Variants in SPNS2 observed in about 807,000 individuals in gnomAD.
SPNS2 encodes the protein SPNS lysolipid transporter 2, sphingosine-1-phosphate, also known as sphingosine-1-phosphate transporter SPNS2.
A neutral mutation model predicts 57.6 loss-of-function variants in SPNS2; 37 were observed. That is an observed-to-expected ratio of 0.64 (90% CI 0.49 to 0.85). The LOEUF is 0.85. Ranked by LOEUF, SPNS2 falls within the 40% of genes least tolerant of loss-of-function variation. SPNS2 has a pLI of 0.00. For missense variants in SPNS2, 831 were observed against 779.1 expected, an observed-to-expected ratio of 1.07 and a Z score of -0.79; for synonymous variants, 440 against 346.9, an observed-to-expected ratio of 1.27 and a Z score of -2.98.
In SPNS2 at chr17:4,537,984, G is replaced by T. The variant is rs1340566798; in HGVS notation, c.*536G>T. ...TATGCAGGGACCACTGCTCAGCTGG[G>T]CCTCGGACCTTGGGGATATTGGACG... On this transcript the variant is annotated 3_prime_UTR_variant, in exon 13 of 13. Transcript: ENST00000329078. 1 of 355,798 alleles carries T rather than the reference G, an allele frequency of 2.8e-6. No homozygotes were observed. The highest frequency in any genetic ancestry group is 3.7e-5 in the Admixed American group (1 of 26,728). 22.0% of individuals were successfully genotyped at this position (355,798 alleles called of 1,614,324 possible).
rs565386807 is a variant in SPNS2, at chr17:4,512,041, C to T, written c.371-1206C>T. Among the ~76,000 whole-genome samples, 64 of 152,300 alleles carry T rather than the reference C, an allele frequency of 4.2e-4. No homozygotes were observed. The highest frequency in any genetic ancestry group is 1.4e-3 in the African/African-American group (59 of 41,568). ...GGATCCTAGTACCAGCCTCCTAGGG[C>T]TGTGTGGGGATTATACAGGCATTTA... On this transcript the variant is annotated intron_variant, in intron 1 of 12. Coordinates refer to ENST00000329078, the MANE Select transcript of SPNS2 (RefSeq NM_001124758.3). This position sits in a 1 kb window ranked among gnomAD's most constrained non-coding sequence, Gnocchi z 5.2.
intron 1 of SPNS2, among the ~76,000 whole-genome samples, chr17:4,500,236 G>A (rs1422716954): frequency 2.0e-5 from 3 of 152,220 alleles, no homozygotes; most frequent in African/African-American, 7.2e-5. Context: ...CCCCAGCTTT[G>A]CTCCTAATGT....
intron 2 of SPNS2, among the ~76,000 whole-genome samples, chr17:4,516,337 AAAAAAAC>A (rs1904991969): frequency 7.8e-6 from 1 of 127,968 alleles, no homozygotes; most frequent in African/African-American, 3.0e-5. Flanking sequence ...AAAAAAAAAA[AAAAAAAC>A]AAAAAAACCG....
chr17:4,516,575 A>G (rs541621691), intron 2 of SPNS2, among the ~76,000 whole-genome samples: 1 of 147,952 alleles, frequency 6.8e-6, no homozygotes, highest in South Asian at 2.3e-4. Context: ...GACGGCAGAG[A>G]GCGTGCACCT....
chr17:4,530,548 G>T, intron 3 of SPNS2, 84 bp from the exon 4 acceptor site: 2 of 1,512,808 alleles, frequency 1.3e-6, no homozygotes, highest in Non-Finnish European at 1.8e-6. Context: ...GGGCCCTGCA[G>T]GGGGAGGGAG....
chr17:4,523,510 G>A (rs1013511819), intron 2 of SPNS2, among the ~76,000 whole-genome samples: 2 of 151,774 alleles, frequency 1.3e-5, no homozygotes, highest in South Asian at 2.1e-4. Context: ...GCTCACGCCT[G>A]TAGTCCCAGC....
At chr17:4,532,824 C>T in intron 6 of SPNS2, 140 bp downstream of exon 6, 1 of 1,449,446 alleles carries the variant, frequency 6.9e-7, no homozygotes, top group South Asian at 1.3e-5. Context: ...GACATTTTGG[C>T]CCCAGAATCG....
In SPNS2 at chr17:4,536,511, G is replaced by A. The variant is rs1905818293; in HGVS notation, c.1607+85G>A. ...ACCGTGAGCCCTGCCCTGGGGTGGG[G>A]CGGGGAGGGTACAGACCTCCCATGC... On this transcript the variant is annotated intron_variant, in intron 11 of 12. Transcript: ENST00000329078. The A allele has an allele frequency of 3.4e-6, 5 of 1,480,560 alleles. No homozygotes were observed. The South Asian group carries it at 6.2e-5, about 18-fold the overall frequency. 91.7% of individuals were successfully genotyped at this position (1,480,560 alleles called of 1,614,324 possible). A position where few individuals can be genotyped will look rare whatever the true frequency, so the allele number is the denominator to read the frequency against.
intron 1 of SPNS2, among the ~76,000 whole-genome samples, chr17:4,504,067 C>T (rs1020730814): frequency 6.7e-6 from 1 of 149,926 alleles, no homozygotes; most frequent in Non-Finnish European, 1.5e-5. Flanking sequence ...TTTACAGGGT[C>T]ACCTGGTGGG....
intron 3 of SPNS2, among the ~76,000 whole-genome samples, chr17:4,526,872 G>A (rs1277218012): frequency 6.6e-6 from 1 of 152,198 alleles, no homozygotes; most frequent in Non-Finnish European, 1.5e-5. Flanking sequence ...GGAGGGTCAG[G>A]TCAGGTAAAG....
intron 2 of SPNS2, among the ~76,000 whole-genome samples, chr17:4,520,801 A>G (rs903200996): frequency 1.3e-5 from 2 of 152,274 alleles, no homozygotes; most frequent in East Asian, 1.9e-4. Context: ...GCTGTGTGAC[A>G]TCACTTCTTT....
At chr17:4,532,806 CT>C in intron 6 of SPNS2, 122 bp downstream of exon 6, 1 of 1,443,744 alleles carries the variant, frequency 6.9e-7, no homozygotes, top group South Asian at 1.3e-5. Context: ...TGTCTCAGTG[CT>C]GGGAGGGACA....
intron 1 of SPNS2, among the ~76,000 whole-genome samples, chr17:4,502,511 G>A (rs1250398787): frequency 2.6e-5 from 4 of 152,146 alleles, no homozygotes; most frequent in South Asian, 2.1e-4. Flanking sequence ...TCAATATCAC[G>A]GTGGCCAGGG....
intron 3 of SPNS2, among the ~76,000 whole-genome samples, 180 bp downstream of exon 3, chr17:4,525,373 G>A (rs920580475): frequency 3.9e-5 from 6 of 152,212 alleles, no homozygotes; most frequent in African/African-American, 1.4e-4. Context: ...CCAGCCCTGC[G>A]GCTGGGGCCT....
chr17:4,525,867 A>G (rs1292324663), intron 3 of SPNS2, among the ~76,000 whole-genome samples: 1 of 152,210 alleles, frequency 6.6e-6, no homozygotes, highest in Non-Finnish European at 1.5e-5. Flanking sequence ...GTGCTCAGCC[A>G]GTCATTGTTT....
At chr17:4,507,587 T>C (rs1904716094) in intron 1 of SPNS2, among the ~76,000 whole-genome samples, 1 of 152,230 alleles carries the variant, frequency 6.6e-6, no homozygotes, top group African/African-American at 2.4e-5. Flanking sequence ...GAGGTTATGT[T>C]ATTTCCCCAA....
At chr17:4,522,456 G>A (rs545216337) in intron 2 of SPNS2, among the ~76,000 whole-genome samples, 7 of 152,214 alleles carry the variant, frequency 4.6e-5, no homozygotes, top group African/African-American at 9.6e-5. Flanking sequence ...CACCACCCAC[G>A]CGCACTCACT....
chr17:4,511,481 G>A lies in SPNS2; in HGVS notation c.371-1766G>A, dbSNP rs1015663167. On this transcript the variant is annotated intron_variant, in intron 1 of 12. Transcript: ENST00000329078. This position sits in a 1 kb window ranked among gnomAD's most constrained non-coding sequence, Gnocchi z 4.6. Reference sequence around the variant, plus strand: ...CCTGTGAAGTGACTGTGCCACAGAGGGATGGGATCAAACCTACACATCAGG... The same window carrying A: ...CCTGTGAAGTGACTGTGCCACAGAGAGATGGGATCAAACCTACACATCAGG... Among the ~76,000 whole-genome samples the A allele has an allele frequency of 2.6e-5, 4 of 152,152 alleles. No individual in the cohort carries two copies. The highest frequency in any genetic ancestry group is 9.7e-5 in the African/African-American group (4 of 41,442).
intron 12 of SPNS2, 111 bp downstream of exon 12, chr17:4,537,057 C>A: frequency 8.5e-7 from 1 of 1,174,366 alleles, no homozygotes; most frequent in Non-Finnish European, 1.2e-6. Context: ...CAGCACATCC[C>A]ACCAACTCTG....
Sources: allele counts gnomAD v4.1 joint callset (sites outside exome capture counted in the v4.1 genomes callset), GRCh38; gene constraint gnomAD v4.1.1; non-coding constraint Gnocchi (gnomAD v3.1); transcripts MANE v1.5; gene names NCBI Gene and HGNC (gene_info 2026-07-23, HGNC 2026-07-21).